Variants in SLC43A1 observed in about 807,000 individuals in gnomAD.
SLC43A1 encodes solute carrier family 43 member 1.
SLC43A1 carries 31 observed loss-of-function variants against 59.5 expected under a neutral mutation model. The ratio of observed to expected loss-of-function variants is 0.52; its 90% CI spans 0.39 to 0.70. The LOEUF is 0.70. Among genes scored for constraint, SLC43A1 ranks in the 30% least tolerant of loss-of-function variants. The pLI, the probability that SLC43A1 is intolerant of heterozygous loss-of-function variation, is 0.00. For synonymous variants in SLC43A1, 259 were observed against 290.9 expected (o/e 0.89, Z 1.12); for missense variants, 598 against 717.8 (o/e 0.83, Z 1.91).
intron 6 of SLC43A1, 69 bp from the exon 7 acceptor site, chr11:57,496,233 G>A: frequency 6.5e-7 from 1 of 1,548,854 alleles, no homozygotes; most frequent in Non-Finnish European, 8.7e-7. Flanking sequence ...GTAGATCCCA[G>A]GCCTCAGAGG....
In SLC43A1 at chr11:57,492,557, TATATATATATATATATAA is replaced by T. The variant is rs1420715833; in HGVS notation, c.872-713_872-696del. Among the ~76,000 whole-genome samples the T allele has an allele frequency of 6.4e-3, 453 of 71,246 alleles. 12 individuals carry two copies. The highest frequency in any genetic ancestry group is 0.022 in the African/African-American group (383 of 17,698). 46.7% of individuals were successfully genotyped at this position (71,246 alleles called of 152,430 possible). A position where few individuals can be genotyped will look rare whatever the true frequency, so the allele number is the denominator to read the frequency against. Reference sequence around the variant, plus strand: ...TTGTGTATATATATATATATATATATATATATATATATATATAAAAAAATAAGCCAGGCATGGTTGTGC... The same window carrying T: ...TTGTGTATATATATATATATATATATAAAAATAAGCCAGGCATGGTTGTGC... On this transcript the variant is annotated intron_variant, in intron 8 of 14. Coordinates refer to ENST00000278426, the MANE Select transcript of SLC43A1 (RefSeq NM_003627.6).
chr11:57,514,249 A>G lies in SLC43A1; in HGVS notation c.-13-125T>C. ...GGAGCCCCTCATGGAGGCCCCATAG[A>G]GCCCTGGGCTTCCCAGCCGGTGCCA... On this transcript the variant is annotated intron_variant, in intron 1 of 14. Transcript: ENST00000278426. This position sits in a 1 kb window ranked among gnomAD's most constrained non-coding sequence, Gnocchi z 5.5. 1 of 1,176,746 alleles carries G rather than the reference A, an allele frequency of 8.5e-7. No individual in the cohort carries two copies. Among genetic ancestry groups the G allele is most frequent in the Non-Finnish European group, 1.2e-6 (1 of 864,864 alleles). 72.9% of individuals were successfully genotyped at this position (1,176,746 alleles called of 1,614,324 possible).
At chr11:57,499,958 G>A (rs1330956577) in intron 5 of SLC43A1, among the ~76,000 whole-genome samples, 1 of 152,194 alleles carries the variant, frequency 6.6e-6, no homozygotes, top group African/African-American at 2.4e-5. Flanking sequence ...AATGTCCCCG[G>A]TTGGAATTAA....
chr11:57,491,271 C>T lies in SLC43A1; in HGVS notation c.1146G>A (p.Lys382=), dbSNP rs1435190089. The T allele has an allele frequency of 6.2e-7, 1 of 1,610,552 alleles. No individual in the cohort carries two copies. Among genetic ancestry groups the T allele is most frequent in the African/African-American group, 1.3e-5 (1 of 74,934 alleles). ...LIGYIMDWRI[K]DCVDAPTQGT... is the part of the protein sequence containing the mutation. ...CCTGAGTTGGGGCGTCCACGCAGTC[C>T]TTGATCCGCCAGTCCATGATGTAGC... The change falls in exon 11 of 15, where the codon AAG becomes AAA. Residue 382 remains lysine (K), a synonymous_variant. Coordinates refer to ENST00000278426, the MANE Select transcript of SLC43A1 (RefSeq NM_003627.6).
chr11:57,487,376 G>A (rs1245995185), intron 13 of SLC43A1, among the ~76,000 whole-genome samples, 158 bp from the exon 14 acceptor site: 3 of 152,178 alleles, frequency 2.0e-5, no homozygotes, highest in African/African-American at 7.2e-5. Flanking sequence ...CAGCCTTGAG[G>A]GCAAATGCTC....
chr11:57,511,773 G>A (rs1486757954), intron 2 of SLC43A1, among the ~76,000 whole-genome samples: 3 of 152,188 alleles, frequency 2.0e-5, no homozygotes, highest in African/African-American at 7.2e-5. Context: ...TATGCTAAGT[G>A]AAAGCAGCCA....
chr11:57,513,041 ACT>A (rs1944593918), intron 2 of SLC43A1, among the ~76,000 whole-genome samples: 1 of 151,946 alleles, frequency 6.6e-6, no homozygotes, highest in South Asian at 2.1e-4. Context: ...AGCACTGCAG[ACT>A]CTCACAGCAC....
At chr11:57,509,543 G>A (rs988699197) in intron 2 of SLC43A1, among the ~76,000 whole-genome samples, 6 of 150,352 alleles carry the variant, frequency 4.0e-5, no homozygotes, top group African/African-American at 9.8e-5. Flanking sequence ...AGCCAAGATC[G>A]TGCCACTACA....
chr11:57,513,950 A>AG lies in SLC43A1; in HGVS notation c.154+7dup. ...CCCCCAGCCCACCCAGCCCATTTTC[A>AG]GGCATACCTGGGCACGTGCTGGAAT... is the stretch of plus-strand genomic sequence containing the variant. On this transcript the variant is annotated splice_region_variant and intron_variant, in intron 2 of 14. Transcript: ENST00000278426. The AG allele has an allele frequency of 3.3e-6, 5 of 1,498,742 alleles. No homozygotes were observed. The highest frequency in any genetic ancestry group is 3.6e-6 in the Non-Finnish European group (4 of 1,101,090). 92.8% of individuals were successfully genotyped at this position (1,498,742 alleles called of 1,614,324 possible). A position where few individuals can be genotyped will look rare whatever the true frequency, so the allele number is the denominator to read the frequency against.
At chr11:57,509,648 A>AGGAAGGAAGGAAGGAC in intron 2 of SLC43A1, among the ~76,000 whole-genome samples, 1 of 62,672 alleles carries the variant, frequency 1.6e-5, no homozygotes, top group South Asian at 7.1e-4. Flanking sequence ...GAAGGAAGGA[A>AGGAAGGAAGGAAGGAC]GGAGGGAGGG....
Position 57,485,255 on chromosome 11 carries a change from G to A in SLC43A1, c.1534-13C>T. The A allele has an allele frequency of 6.2e-7, 1 of 1,607,120 alleles. No individual in the cohort carries two copies. Among genetic ancestry groups the A allele is most frequent in the Non-Finnish European group, 8.5e-7 (1 of 1,176,610 alleles). On this transcript the variant is annotated splice_polypyrimidine_tract_variant and intron_variant, in intron 14 of 14. Transcript: ENST00000278426. ...GGCCCAGATTCACCTTTAGGGCAAG[G>A]AGAGAGAAACAGAGTCAAGTAGGTA...
intron 2 of SLC43A1, among the ~76,000 whole-genome samples, chr11:57,510,646 A>AAT (rs1027648906): frequency 4.6e-5 from 7 of 151,432 alleles, no homozygotes; most frequent in East Asian, 3.9e-4. Context: ...TAGTCTTAAA[A>AAT]ATATATATAT....
intron 6 of SLC43A1, among the ~76,000 whole-genome samples, chr11:57,496,606 A>G (rs544454016): frequency 6.6e-6 from 1 of 152,272 alleles, no homozygotes; most frequent in South Asian, 2.1e-4. Context: ...CACATTCCCC[A>G]GGGGAAAAGG....
intron 8 of SLC43A1, among the ~76,000 whole-genome samples, chr11:57,492,193 C>T (rs1286978871): frequency 6.9e-6 from 1 of 145,060 alleles, no homozygotes; most frequent in Non-Finnish European, 1.5e-5. Flanking sequence ...CATAGCAAGA[C>T]CCTATCTCTA....
chr11:57,491,158 C>T lies in SLC43A1; in HGVS notation c.1193+66G>A, dbSNP rs1407798065. The T allele has an allele frequency of 1.4e-5, 20 of 1,465,152 alleles. No individual in the cohort carries two copies. In the East Asian group the frequency reaches 1.9e-4, roughly 14 times the overall value. 90.8% of individuals were successfully genotyped at this position (1,465,152 alleles called of 1,614,324 possible). ...AAAGCAACAAGTTGCTGGATGTAAACGCACAGAGAAAATGAAAAGCACTGC... is the reference window on the plus strand; with the variant it reads ...AAAGCAACAAGTTGCTGGATGTAAATGCACAGAGAAAATGAAAAGCACTGC... On this transcript the variant is annotated intron_variant, in intron 11 of 14. Coordinates refer to ENST00000278426, the MANE Select transcript of SLC43A1 (RefSeq NM_003627.6).
chr11:57,491,124 T>G (rs960401923), intron 11 of SLC43A1, 100 bp downstream of exon 11: 47 of 1,385,464 alleles, frequency 3.4e-5, no homozygotes, highest in Non-Finnish European at 4.3e-5. Flanking sequence ...CTCCTAGGGT[T>G]CTTGGGAGAA....
At chr11:57,491,927 T>C (rs919299779) in intron 8 of SLC43A1, 65 bp from the exon 9 acceptor site, 3 of 1,514,022 alleles carry the variant, frequency 2.0e-6, no homozygotes, top group Non-Finnish European at 2.7e-6. Context: ...TTGTCCCAGC[T>C]CATGCAGTTC....
chr11:57,501,765 T>C (rs1264990031), intron 2 of SLC43A1, among the ~76,000 whole-genome samples: 1 of 152,180 alleles, frequency 6.6e-6, no homozygotes, highest in Non-Finnish European at 1.5e-5. Context: ...TGTGGGAGGC[T>C]GAGACAGGCA....
chr11:57,495,904 G>T, intron 7 of SLC43A1, 127 bp downstream of exon 7: 1 of 1,034,530 alleles, frequency 9.7e-7, no homozygotes, highest in Non-Finnish European at 1.4e-6. Flanking sequence ...GAGCTTGGAG[G>T]GCTCAAGCGA....
Sources: gnomAD v4.1 joint callset for allele counts (sites outside exome capture counted in the v4.1 genomes callset) on GRCh38, gnomAD v4.1.1 for gene constraint, Gnocchi (gnomAD v3.1) non-coding constraint, MANE v1.5 for transcripts, NCBI Gene and HGNC (gene_info 2026-07-23, HGNC 2026-07-21) for gene names.